The following PLXNA4 variants were observed in gnomAD, a reference collection of about 807,000 sequenced individuals.
PLXNA4 encodes the protein plexin A4, also known as plexin-A4.
In PLXNA4, 44 loss-of-function variants were observed where a neutral mutation model predicts 191.8. That is an observed-to-expected ratio of 0.23 (90% CI 0.18 to 0.29). The LOEUF (loss-of-function observed/expected upper bound fraction) is 0.29. Among genes scored for constraint, PLXNA4 ranks in the 10% least tolerant of loss-of-function variants. PLXNA4 has a pLI of 1.00. For synonymous variants in PLXNA4, 1,082 were observed against 1,009.5 expected (o/e 1.07, Z -1.36); for missense variants, 1,800 against 2,488.8 (o/e 0.72, Z 5.89).
At chr7:132,159,323 T>C in intron 25 of PLXNA4, 150 bp downstream of exon 25, 1 of 1,307,146 alleles carries the variant, frequency 7.7e-7, no homozygotes, top group Non-Finnish European at 1.1e-6. Context: ...CCCCATGGGC[T>C]CCTGCGGGGG....
At chr7:132,169,290 T>TA (rs1796214594) in intron 21 of PLXNA4, among the ~76,000 whole-genome samples, 1 of 152,208 alleles carries the variant, frequency 6.6e-6, no homozygotes, top group African/African-American at 2.4e-5. Flanking sequence ...CTGCCTCCAT[T>TA]GTCTGTTCAT....
At chr7:132,423,519 G>C (rs1794925376) in intron 3 of PLXNA4, among the ~76,000 whole-genome samples, 1 of 152,158 alleles carries the variant, frequency 6.6e-6, no homozygotes, top group Non-Finnish European at 1.5e-5. Context: ...CAGAGATTTG[G>C]GGCCAGAATA....
At chr7:132,343,092 A>G (rs1300748716) in intron 3 of PLXNA4, among the ~76,000 whole-genome samples, 1 of 152,128 alleles carries the variant, frequency 6.6e-6, no homozygotes, top group Non-Finnish European at 1.5e-5. Context: ...CTGAAGATCA[A>G]TTCAACAGTT....
intron 25 of PLXNA4, among the ~76,000 whole-genome samples, chr7:132,157,893 T>G (rs189533289): frequency 5.0e-4 from 76 of 152,318 alleles, no homozygotes; most frequent in African/African-American, 1.7e-3. Flanking sequence ...GCCGTAACAG[T>G]TTCCTCACCC....
At chr7:132,566,302 T>TCACACA (rs113920133) in intron 1 of PLXNA4, among the ~76,000 whole-genome samples, 196 of 152,002 alleles carry the variant, frequency 1.3e-3, no homozygotes, top group African/African-American at 4.5e-3. Context: ...TCCCTCTCTC[T>TCACACA]CTCACACACA....
At chr7:132,438,327 C>T (rs921502497) in intron 3 of PLXNA4, among the ~76,000 whole-genome samples, 56 of 152,198 alleles carry the variant, frequency 3.7e-4, no homozygotes, top group African/African-American at 1.2e-3. Flanking sequence ...TGATAAAGCA[C>T]GGGACATAGG....
At chr7:132,266,078 C>T (rs950653686) in intron 4 of PLXNA4, among the ~76,000 whole-genome samples, 11 of 152,136 alleles carry the variant, frequency 7.2e-5, no homozygotes, top group Admixed American at 2.0e-4. Context: ...TCCCTATGTT[C>T]ACTGGGCTGG....
intron 25 of PLXNA4, among the ~76,000 whole-genome samples, chr7:132,157,834 T>G (rs927901280): frequency 2.0e-5 from 3 of 152,226 alleles, no homozygotes; most frequent in African/African-American, 7.2e-5. Context: ...TGTTTGGACG[T>G]GGGGAACACA....
chr7:132,525,607 A>G (rs1054034520), intron 1 of PLXNA4, among the ~76,000 whole-genome samples: 1 of 152,214 alleles, frequency 6.6e-6, no homozygotes, highest in Non-Finnish European at 1.5e-5. Flanking sequence ...TCTGGTTTAC[A>G]GTTGCCAGTT....
At chr7:132,192,054 C>T (rs1237449416) in intron 14 of PLXNA4, among the ~76,000 whole-genome samples, 2 of 152,096 alleles carry the variant, frequency 1.3e-5, no homozygotes, top group African/African-American at 2.4e-5. Context: ...TATGTGCATT[C>T]TGTGACAGCC....
chr7:132,609,330 G>C (rs574431673), intron 2 of PLXNA4, among the ~76,000 whole-genome samples: 1 of 152,210 alleles, frequency 6.6e-6, no homozygotes, highest in South Asian at 2.1e-4. Flanking sequence ...GTCCATGGCT[G>C]CTTGGAAGTA....
chr7:132,282,762 G>T (rs1164115960), intron 4 of PLXNA4, among the ~76,000 whole-genome samples: 1 of 151,846 alleles, frequency 6.6e-6, no homozygotes, highest in Non-Finnish European at 1.5e-5. Flanking sequence ...AGGCAAAAGG[G>T]AGCTCAGTGT....
intron 3 of PLXNA4, chr7:132,384,947 T>C: frequency 7.6e-7 from 1 of 1,323,262 alleles, no homozygotes; most frequent in Non-Finnish European, 9.7e-7. Flanking sequence ...ATGCCTACAC[T>C]CCATTGTCCA....
chr7:132,247,936 G>A (rs1373028929), intron 4 of PLXNA4, among the ~76,000 whole-genome samples: 1 of 152,194 alleles, frequency 6.6e-6, no homozygotes, highest in Non-Finnish European at 1.5e-5. Context: ...CCAGGCTGTG[G>A]CAGATTGTAT....
chr7:132,132,908 C>A, intron 31 of PLXNA4, 141 bp downstream of exon 31: 1 of 1,241,082 alleles, frequency 8.1e-7, no homozygotes, highest in Non-Finnish European at 1.1e-6. Flanking sequence ...CTTTGGATCA[C>A]AGCCCCAGGT....
At chr7:132,144,897 G>A (rs1450124550) in intron 29 of PLXNA4, among the ~76,000 whole-genome samples, 4 of 152,206 alleles carry the variant, frequency 2.6e-5, no homozygotes, top group Non-Finnish European at 5.9e-5. Flanking sequence ...AAAGAAAGAT[G>A]CACAGACAGA....
At chr7:132,608,636 C>A (rs946374908) in intron 2 of PLXNA4, among the ~76,000 whole-genome samples, 1 of 152,144 alleles carries the variant, frequency 6.6e-6, no homozygotes, top group East Asian at 1.9e-4. Flanking sequence ...CTCATGGAGA[C>A]TTCAATCCGT....
chr7:132,396,079 C>A (rs1793743982), intron 3 of PLXNA4, among the ~76,000 whole-genome samples: 1 of 152,112 alleles, frequency 6.6e-6, no homozygotes, highest in South Asian at 2.1e-4. Context: ...AGGGGTAAGG[C>A]AAATGTACCC....
intron 3 of PLXNA4, among the ~76,000 whole-genome samples, chr7:132,351,334 A>G (rs1031557296): frequency 6.6e-6 from 1 of 152,244 alleles, no homozygotes; most frequent in African/African-American, 2.4e-5. Context: ...GCTGTTTTTT[A>G]AGAGTACTTT....
Sources: gnomAD v4.1 joint callset for allele counts (sites outside exome capture counted in the v4.1 genomes callset) on GRCh38, gnomAD v4.1.1 for gene constraint, MANE v1.5 for transcripts, NCBI Gene and HGNC (gene_info 2026-07-23, HGNC 2026-07-21) for gene names.